NFASC: variants seen among roughly 807,000 people sequenced by gnomAD.
The protein encoded by NFASC is neurofascin homolog.
NFASC carries 43 observed loss-of-function variants against 147.5 expected under a neutral mutation model. That is an observed-to-expected ratio of 0.29 (90% CI 0.23 to 0.38). The LOEUF (loss-of-function observed/expected upper bound fraction) is 0.38. NFASC is among the 10% of genes least tolerant of loss of function. The probability of loss-of-function intolerance (pLI) is 1.00; values close to 1 mark genes in which losing one functional copy is unlikely to be tolerated. For synonymous variants in NFASC, 622 were observed against 665.5 expected (o/e 0.93, Z 1.01); for missense variants, 1,320 against 1,689.0 (o/e 0.78, Z 3.83).
rs1452290643 is a variant in NFASC, at chr1:204,979,116, C to T, written c.1978+47C>T. 4 of 1,454,748 alleles carry T rather than the reference C, an allele frequency of 2.7e-6. No homozygotes were observed. Among genetic ancestry groups the T allele is most frequent in the South Asian group, 1.2e-5 (1 of 81,316 alleles). The allele number at this position is 1,454,748 out of a possible 1,614,324, so 90.1% of individuals were successfully genotyped here. On this transcript the variant is annotated intron_variant, in intron 18 of 29. Coordinates refer to ENST00000339876, the MANE Select transcript of NFASC (RefSeq NM_001005388.3). The surrounding 1 kb of genome is among the most constrained non-coding windows in gnomAD (Gnocchi z 6.0). ...CAAAGCTGGAAAAGAGGGACGGCAA[C>T]ACCCTTAAACCGAAGGCCTTTCCTG...
At position 205,015,811 on chromosome 1, in the gene NFASC, CCTTG is replaced by C. The variant is rs1340115912; in HGVS notation, c.3492-492_3492-489del. Among the ~76,000 whole-genome samples, 1 of 152,008 alleles carries C rather than the reference CCTTG, an allele frequency of 6.6e-6. No homozygotes were observed. The highest frequency in any genetic ancestry group is 1.5e-5 in the Non-Finnish European group (1 of 68,026). Reference sequence around the variant, plus strand: ...AGGGAGAGGTTTGTTCCTTTAAAAGCCTTGCTTGTTGTCAAGGCGAGAGTGTTTC... The same window carrying C: ...AGGGAGAGGTTTGTTCCTTTAAAAGCCTTGTTGTCAAGGCGAGAGTGTTTC... On this transcript the variant is annotated intron_variant, in intron 29 of 29. Coordinates refer to ENST00000339876, the MANE Select transcript of NFASC (RefSeq NM_001005388.3). This position sits in a 1 kb window ranked among gnomAD's most constrained non-coding sequence, Gnocchi z 4.0.
rs1055690755 is a variant in NFASC at position 205,020,267 on chromosome 1, C to G, written c.*3728C>G. 2.6e-5 allele frequency: 4 copies of G among 152,316 alleles called. No homozygotes were observed. The highest frequency in any genetic ancestry group is 5.9e-5 in the Non-Finnish European group (4 of 68,088). 9.4% of individuals were successfully genotyped at this position (152,316 alleles called of 1,614,324 possible). On this transcript the variant is annotated 3_prime_UTR_variant, in exon 30 of 30. Transcript: ENST00000339876. Reference sequence around the variant, plus strand: ...CACAGCCTTGGGAAGACGGTGGAAACCCGAGGATGTGTGGGTTTCCCAGCT... The same window carrying G: ...CACAGCCTTGGGAAGACGGTGGAAAGCCGAGGATGTGTGGGTTTCCCAGCT...
rs1477565509 is a variant in NFASC at position 205,020,895 on chromosome 1, GCCAGCC to G, written c.*4363_*4368del. ...GACCTCCTGCCCAGTCACCACTCCGGCCAGCCCCAGCCAAACACACAAAAGCCCATG... is the reference window on the plus strand; with the variant it reads ...GACCTCCTGCCCAGTCACCACTCCGGCCAGCCAAACACACAAAAGCCCATG... On this transcript the variant is annotated 3_prime_UTR_variant, in exon 30 of 30. Transcript: ENST00000339876. The G allele has an allele frequency of 1.3e-5, 2 of 152,318 alleles. No homozygotes were observed. The highest frequency in any genetic ancestry group is 2.9e-5 in the Non-Finnish European group (2 of 68,126). 9.4% of individuals were successfully genotyped at this position (152,318 alleles called of 1,614,324 possible).
chr1:204,904,347 C>G (rs1467561509), intron 1 of NFASC, among the ~76,000 whole-genome samples: 10 of 152,182 alleles, frequency 6.6e-5, no homozygotes, highest in African/African-American at 2.4e-4. Flanking sequence ...ATCCACCCGT[C>G]TTGGTCTCCT....
intron 17 of NFASC, 136 bp from the exon 18 acceptor site, chr1:204,978,832 C>A: frequency 1.6e-6 from 1 of 624,830 alleles, no homozygotes. Flanking sequence ...TCCCTGTGCT[C>A]ACCCCTCAGG....
chr1:204,977,696 C>A lies in NFASC; in HGVS notation c.1847C>A (p.Pro616Gln), dbSNP rs765769336. The change falls in exon 17 of 30, where the codon CCA (proline) becomes CAA (glutamine). Residue 616 changes from proline to glutamine, a missense_variant. Around this residue, in one of 3 missense-constraint regions of NFASC, gnomAD observed 981 missense variants for 1,289.5 expected, o/e 0.76. Coordinates refer to ENST00000339876, the MANE Select transcript of NFASC (RefSeq NM_001005388.3). ...YLTVLADQAT[P>Q]TNRLAALPKG... ...ACCTTTGCAGCTGATCAGGCCACTC[C>A]AACTAACCGTTTGGCTGCCCTGCCC... 2.2e-5 allele frequency: 35 copies of A among 1,610,976 alleles called. No individual in the cohort carries two copies. The African/African-American group carries it at 4.3e-4, about 20-fold the overall frequency.
At chr1:204,833,124 G>T (rs759892980) in intron 1 of NFASC, among the ~76,000 whole-genome samples, 20 of 152,320 alleles carry the variant, frequency 1.3e-4, no homozygotes, top group Non-Finnish European at 2.6e-4. Flanking sequence ...AGAACTCTCA[G>T]GCCACCCTTT....
intron 1 of NFASC, among the ~76,000 whole-genome samples, chr1:204,908,900 A>T (rs1000900750): frequency 6.6e-6 from 1 of 152,184 alleles, no homozygotes; most frequent in Non-Finnish European, 1.5e-5. Flanking sequence ...TGCATATATC[A>T]CTAGTATAAA....
chr1:205,014,661 C>T (rs2096313879), intron 29 of NFASC, among the ~76,000 whole-genome samples: 1 of 152,124 alleles, frequency 6.6e-6, no homozygotes, highest in Admixed American at 6.5e-5. Flanking sequence ...CTTTTCAGAC[C>T]TAGATCCCCC....
chr1:204,953,619 A>T (rs2094266316), intron 5 of NFASC, among the ~76,000 whole-genome samples: 1 of 152,206 alleles, frequency 6.6e-6, no homozygotes, highest in Admixed American at 6.5e-5. Context: ...CTTGGGCTAC[A>T]GGGTGTGGTC....
At chr1:204,864,012 G>A (rs2076914101) in intron 1 of NFASC, among the ~76,000 whole-genome samples, 1 of 152,194 alleles carries the variant, frequency 6.6e-6, no homozygotes, top group Non-Finnish European at 1.5e-5. Context: ...TAACCATTAA[G>A]CATTAACTTC....
At chr1:204,926,189 A>G (rs2091460840) in intron 2 of NFASC, among the ~76,000 whole-genome samples, 2 of 151,370 alleles carry the variant, frequency 1.3e-5, no homozygotes, top group African/African-American at 4.9e-5. Flanking sequence ...CAATCAACAA[A>G]TTTTACAATT....
chr1:204,927,437 T>C (rs758179490), intron 2 of NFASC, among the ~76,000 whole-genome samples: 137 of 152,158 alleles, frequency 9.0e-4, no homozygotes, highest in Non-Finnish European at 1.8e-3. Flanking sequence ...TGTGTAGATA[T>C]ACTGCATTTT....
At chr1:204,878,206 C>T (rs1034002703) in intron 1 of NFASC, among the ~76,000 whole-genome samples, 1 of 152,310 alleles carries the variant, frequency 6.6e-6, no homozygotes, top group Non-Finnish European at 1.5e-5. Context: ...AAAAACTTCA[C>T]CTTCTTTTAT....
At chr1:204,845,199 G>T (rs1217828273) in intron 1 of NFASC, among the ~76,000 whole-genome samples, 1 of 151,934 alleles carries the variant, frequency 6.6e-6, no homozygotes, top group Non-Finnish European at 1.5e-5. Flanking sequence ...ACTTAAAGTG[G>T]CGGTGTATGT....
intron 29 of NFASC, among the ~76,000 whole-genome samples, chr1:205,014,206 G>A (rs915716789): frequency 2.6e-5 from 4 of 152,120 alleles, no homozygotes; most frequent in Non-Finnish European, 5.9e-5. Flanking sequence ...CACCAAAGCT[G>A]TCAGGCAAAA....
chr1:204,893,448 A>G (rs1010765086), intron 1 of NFASC, among the ~76,000 whole-genome samples: 2 of 152,232 alleles, frequency 1.3e-5, no homozygotes, highest in Non-Finnish European at 2.9e-5. Context: ...AGCATCTCTG[A>G]GAGTGGCACC....
At chr1:204,852,838 G>T (rs2075817539) in intron 1 of NFASC, among the ~76,000 whole-genome samples, 1 of 152,220 alleles carries the variant, frequency 6.6e-6, no homozygotes, top group East Asian at 1.9e-4. Flanking sequence ...GGGTGAGCTG[G>T]CTTGTGTGTC....
At chr1:204,984,462 T>C (rs2095574837) in intron 21 of NFASC, 1 of 147,296 alleles carries the variant, frequency 6.8e-6, no homozygotes, top group African/African-American at 2.6e-5. Flanking sequence ...CAGCAGAAAA[T>C]CACGTGAAAG....
Sources: gnomAD v4.1 joint callset for allele counts (sites outside exome capture counted in the v4.1 genomes callset) on GRCh38, gnomAD v4.1.1 for gene constraint, gnomAD v4.1.1 regional missense constraint, Gnocchi (gnomAD v3.1) non-coding constraint, MANE v1.5 for transcripts, NCBI Gene and HGNC (gene_info 2026-07-23, HGNC 2026-07-21) for gene names.